The following RMND1 variants were observed in gnomAD, a reference collection of about 807,000 sequenced individuals.
RMND1 encodes the protein required for meiotic nuclear division 1 homolog.
Under a neutral mutation model 54.0 loss-of-function variants are expected in RMND1, and 41 were observed. The ratio of observed to expected loss-of-function variants is 0.76; its 90% CI spans 0.59 to 0.98. RMND1 has a LOEUF of 0.98. Ranked by LOEUF, RMND1 falls within the 50% of genes least tolerant of loss-of-function variation. The pLI is 0.00. For synonymous variants in RMND1, 183 were observed against 181.7 expected (o/e 1.01, Z -0.06); for missense variants, 457 against 532.0 (o/e 0.86, Z 1.39).
intron 10 of RMND1, among the ~76,000 whole-genome samples, chr6:151,407,542 C>G (rs1020527814): frequency 6.6e-6 from 1 of 152,176 alleles, no homozygotes; most frequent in Non-Finnish European, 1.5e-5. Flanking sequence ...GTCCCAAAGT[C>G]TATTATTAAG....
chr6:151,451,214 A>AC (rs913402310), intron 1 of RMND1, among the ~76,000 whole-genome samples: 2 of 151,798 alleles, frequency 1.3e-5, no homozygotes, highest in Non-Finnish European at 1.5e-5. Flanking sequence ...AAAAAAAAAA[A>AC]AAAAACACAA....
At chr6:151,435,930 C>T (rs1412435219) in intron 3 of RMND1, among the ~76,000 whole-genome samples, 3 of 151,244 alleles carry the variant, frequency 2.0e-5, no homozygotes, top group Non-Finnish European at 3.0e-5. Context: ...CATGGAGAAA[C>T]ACCATCTCTA....
At position 151,405,925 on chromosome 6, in the gene RMND1, C is replaced by T. The variant is rs971076104; in HGVS notation, c.1201-89G>A. ...TTCTATAGCTATACAGTGAAAAATC[C>T]TGCTCCTCAGTCCTCTCCCCAAAGG... On this transcript the variant is annotated intron_variant, in intron 10 of 11. Transcript: ENST00000444024. 7 of 644,194 alleles carry T rather than the reference C, an allele frequency of 1.1e-5. No individual in the cohort carries two copies. In the African/African-American group the frequency reaches 1.1e-4, roughly 10 times the overall value. The allele number at this position is 644,194 out of a possible 1,614,324, so 39.9% of individuals were successfully genotyped here.
intron 5 of RMND1, 31 bp from the exon 6 acceptor site, chr6:151,427,613 A>T: frequency 7.4e-7 from 1 of 1,351,340 alleles, no homozygotes; most frequent in Non-Finnish European, 1.1e-6. Context: ...ATCTGAAATC[A>T]TAACTGACTC....
intron 9 of RMND1, among the ~76,000 whole-genome samples, chr6:151,418,355 A>G (rs373436849): frequency 1.8e-4 from 28 of 152,260 alleles, no homozygotes; most frequent in African/African-American, 5.1e-4. Context: ...CAGAGGCTGC[A>G]GTGAGCCAAG....
chr6:151,412,156 C>A (rs186326291), intron 10 of RMND1, among the ~76,000 whole-genome samples: 4 of 152,228 alleles, frequency 2.6e-5, no homozygotes, highest in African/African-American at 9.6e-5. Flanking sequence ...CGTCCACCAC[C>A]ATGCCCAGCT....
chr6:151,439,810 C>A (rs1356303863), intron 2 of RMND1, among the ~76,000 whole-genome samples: 1 of 152,208 alleles, frequency 6.6e-6, no homozygotes, highest in Admixed American at 6.5e-5. Flanking sequence ...CAGGCATGCG[C>A]CACCACGCCC....
At chr6:151,411,455 T>C (rs527929136) in intron 10 of RMND1, 21 of 152,290 alleles carry the variant, frequency 1.4e-4, no homozygotes, top group African/African-American at 5.1e-4. Context: ...CAATCTCAAA[T>C]TGGCCTCGAT....
intron 10 of RMND1, among the ~76,000 whole-genome samples, chr6:151,414,718 A>G (rs1156625301): frequency 6.6e-6 from 1 of 152,212 alleles, no homozygotes; most frequent in African/African-American, 2.4e-5. Context: ...CTAGAAGATG[A>G]AACAAAGGAC....
chr6:151,420,950 A>G (rs1315448177), intron 9 of RMND1: 4 of 205,928 alleles, frequency 1.9e-5, no homozygotes, highest in African/African-American at 2.3e-5. Context: ...CCATTAACCA[A>G]ATTCAGGAAT....
intron 10 of RMND1, among the ~76,000 whole-genome samples, chr6:151,409,251 T>C (rs1224476935): frequency 6.7e-6 from 1 of 150,312 alleles, no homozygotes; most frequent in Non-Finnish European, 1.5e-5. Context: ...GGTATTCCCC[T>C]GTTTCACCAG....
intron 3 of RMND1, 117 bp from the exon 4 acceptor site, chr6:151,433,347 C>T (rs79592358): frequency 1.5e-4 from 80 of 537,926 alleles, no homozygotes; most frequent in African/African-American, 1.3e-3. Flanking sequence ...CCATGGAGTG[C>T]TCTGTAACAC....
chr6:151,436,494 G>A lies in RMND1; in HGVS notation c.565C>T (p.Gln189Ter), dbSNP rs886037772. ...ACATATCCGTGGGAGGCCAGATCTTGAGACAGATTTCCCAGATGATACTCA... is the reference window on the plus strand; with the variant it reads ...ACATATCCGTGGGAGGCCAGATCTTAAGACAGATTTCCCAGATGATACTCA... ...ADEYHLGNLS[Q>*]DLASHGYVEV... The change falls in exon 3 of 12, where the codon CAA becomes TAA. Residue 189 changes from glutamine (Q) to a stop codon, truncating the protein, a stop_gained. Coordinates refer to ENST00000444024, the MANE Select transcript of RMND1 (RefSeq NM_017909.4). LOFTEE classifies it high-confidence loss of function. 28 of 1,613,954 alleles carry A rather than the reference G, an allele frequency of 1.7e-5. No homozygotes were observed. The highest frequency in any genetic ancestry group is 2.4e-5 in the Non-Finnish European group (28 of 1,179,934).
chr6:151,420,661 A>G (rs1780128017), intron 9 of RMND1: 1 of 152,202 alleles, frequency 6.6e-6, no homozygotes, highest in Non-Finnish European at 1.5e-5. Flanking sequence ...GGCACTTGAG[A>G]CTTACTTGTC....
At chr6:151,418,269 C>A (rs1780062500) in intron 9 of RMND1, among the ~76,000 whole-genome samples, 1 of 152,016 alleles carries the variant, frequency 6.6e-6, no homozygotes, top group Non-Finnish European at 1.5e-5. Context: ...CAAGAACTAG[C>A]CAGGTGTGGT....
chr6:151,407,486 C>T (rs1280077253), intron 10 of RMND1, among the ~76,000 whole-genome samples: 2 of 152,142 alleles, frequency 1.3e-5, no homozygotes, highest in African/African-American at 2.4e-5. Flanking sequence ...ACCTCATCAT[C>T]ATCCAATTTA....
At chr6:151,448,756 C>A (rs1781035274) in intron 1 of RMND1, among the ~76,000 whole-genome samples, 2 of 152,150 alleles carry the variant, frequency 1.3e-5, no homozygotes, top group Non-Finnish European at 2.9e-5. Flanking sequence ...AATCTCAACG[C>A]GAAATCTAGC....
At chr6:151,406,812 G>A (rs1268153937) in intron 10 of RMND1, among the ~76,000 whole-genome samples, 4 of 152,172 alleles carry the variant, frequency 2.6e-5, no homozygotes, top group Non-Finnish European at 4.4e-5. Context: ...GTGTTCAGGG[G>A]TTGATTGGAA....
intron 8 of RMND1, 100 bp from the exon 9 acceptor site, chr6:151,421,421 C>A: frequency 1.4e-6 from 1 of 724,012 alleles, no homozygotes; most frequent in Non-Finnish European, 2.3e-6. Context: ...TAATTTGGAT[C>A]CTATGTAAAT....
Sources: gnomAD v4.1 joint callset for allele counts (sites outside exome capture counted in the v4.1 genomes callset) on GRCh38, gnomAD v4.1.1 for gene constraint, MANE v1.5 for transcripts, NCBI Gene and HGNC (gene_info 2026-07-23, HGNC 2026-07-21) for gene names.